SPRR2A: variants seen among roughly 807,000 people sequenced by gnomAD.
SPRR2A encodes small proline rich protein 2A.
SPRR2A carries 3 observed loss-of-function variants against 1.2 expected under a neutral mutation model. The observed-to-expected ratio is 2.56, with a 90% CI of 1.17 to 6.62. SPRR2A has a LOEUF of 6.62. Among genes scored for constraint, SPRR2A ranks in the 30% most tolerant of loss-of-function variants. The pLI, the probability that SPRR2A is intolerant of heterozygous loss-of-function variation, is 0.02. For missense variants in SPRR2A, 66 were observed against 87.8 expected, an observed-to-expected ratio of 0.75 and a Z score of 0.99; for synonymous variants, 31 against 33.1, an observed-to-expected ratio of 0.94 and a Z score of 0.21.
In SPRR2A at chr1:153,056,554, G is replaced by A; in HGVS notation, c.182C>T (p.Pro61Leu). The A allele has an allele frequency of 6.2e-7, 1 of 1,612,340 alleles. No individual in the cohort carries two copies. The highest frequency in any genetic ancestry group is 8.5e-7 in the Non-Finnish European group (1 of 1,179,840). Residue 61 changes from proline (P) to leucine (L), a missense_variant, in exon 2 of 2, where the codon CCA (proline) becomes CTA (leucine). By Grantham distance (98) the Pro-to-Leu change is moderately conservative. Transcript: ENST00000392653. ...CGGTGGATACTTTGACTGGCAGGGT[G>A]GGGAAGGTGTCACAGGAGGATATTT... ...QQKYPPVTPSPPCQSKYPPKS... is the reference protein window; with the variant it reads ...QQKYPPVTPSLPCQSKYPPKS...
chr1:153,056,739 G>T lies in SPRR2A; in HGVS notation c.-4C>A, dbSNP rs1185660006. 18 of 1,603,222 alleles carry T rather than the reference G, an allele frequency of 1.1e-5. No homozygotes were observed. Among genetic ancestry groups the T allele is most frequent in the Non-Finnish European group, 1.5e-5 (18 of 1,176,448 alleles). On this transcript the variant is annotated 5_prime_UTR_variant, in exon 2 of 2. Coordinates refer to ENST00000392653, the MANE Select transcript of SPRR2A (RefSeq NM_005988.3). ...ACTGCTGCTGTTGATAAGACATCCT[G>T]CTGGAGTCTCAGGATCTGAAAGAAA...
chr1:153,056,891 T>C (rs545118747), intron 1 of SPRR2A, 137 bp from the exon 2 acceptor site: 2 of 1,398,730 alleles, frequency 1.4e-6, no homozygotes, highest in Admixed American at 5.0e-5. Flanking sequence ...TTTTCAAGAC[T>C]TTCTGGTTTC....
At chr1:153,056,837 T>C (rs1450454158) in intron 1 of SPRR2A, 83 bp from the exon 2 acceptor site, 1 of 1,570,116 alleles carries the variant, frequency 6.4e-7, no homozygotes, top group Non-Finnish European at 8.6e-7. Flanking sequence ...CCATGGCATA[T>C]TATTTCTCCA....
intron 1 of SPRR2A, 143 bp from the exon 2 acceptor site, chr1:153,056,897 G>A: frequency 3.6e-6 from 5 of 1,380,312 alleles, no homozygotes; most frequent in Non-Finnish European, 3.8e-6. Flanking sequence ...AGACTTTCTG[G>A]TTTCTCCCTT....
intron 1 of SPRR2A, 47 bp downstream of exon 1, chr1:153,057,424 A>G (rs1654376903): frequency 6.5e-6 from 1 of 153,926 alleles, no homozygotes; most frequent in African/African-American, 2.4e-5. Context: ...ATTAAACTCA[A>G]CATTTCAGGG....
chr1:153,056,626 G>A lies in SPRR2A; in HGVS notation c.110C>T (p.Pro37Leu). 6.2e-7 allele frequency: 1 copy of A among 1,611,400 alleles called. No homozygotes were observed. The highest frequency in any genetic ancestry group is 8.5e-7 in the Non-Finnish European group (1 of 1,179,520). Residue 37 changes from proline (P) to leucine (L), a missense_variant, in exon 2 of 2, where the codon CCA (proline) becomes CTA (leucine). Physicochemically the swap from Pro to Leu is moderately conservative, Grantham distance 98. Transcript: ENST00000392653. Reference protein sequence around the residue: ...CPPPKCPEPCPPPKCPQPCPP... With the variant: ...CPPPKCPEPCLPPKCPQPCPP... The stretch of plus-strand genomic sequence containing the variant: ...GCAGGGCTGTGGACACTTTGGTGGT[G>A]GGCAGGGCTCAGGGCACTTCGGGGG...
rs1654356567 is a variant in SPRR2A, at chr1:153,056,628, G to A, written c.108C>T (p.Cys36=). ...AGGGCTGTGGACACTTTGGTGGTGG[G>A]CAGGGCTCAGGGCACTTCGGGGGTG... is the stretch of plus-strand genomic sequence containing the variant. The part of the protein sequence containing the change: ...PCPPPKCPEP[C]PPPKCPQPCP... The change falls in exon 2 of 2, where the codon TGC becomes TGT. Residue 36 remains cysteine (C), a synonymous_variant. Transcript: ENST00000392653. 1 of 1,611,308 alleles carries A rather than the reference G, an allele frequency of 6.2e-7. No homozygotes were observed. Among genetic ancestry groups the A allele is most frequent in the Non-Finnish European group, 8.5e-7 (1 of 1,179,482 alleles).
chr1:153,056,355 C>A lies in SPRR2A; in HGVS notation c.*162G>T, dbSNP rs1654344608. 1 of 1,333,176 alleles carries A rather than the reference C, an allele frequency of 7.5e-7. No individual in the cohort carries two copies. The highest frequency in any genetic ancestry group is 2.8e-5 in the Admixed American group (1 of 35,542). The allele number at this position is 1,333,176 out of a possible 1,614,324, so 82.6% of individuals were successfully genotyped here. Reference sequence around the variant, plus strand: ...CAGTATGGCAGCCTCAGAAAAGAAACTTTTTGCTGTCAGGGATCATCATGG... The same window carrying A: ...CAGTATGGCAGCCTCAGAAAAGAAAATTTTTGCTGTCAGGGATCATCATGG... On this transcript the variant is annotated 3_prime_UTR_variant, in exon 2 of 2. Transcript: ENST00000392653.
At chr1:153,057,172 C>T (rs1446139265) in intron 1 of SPRR2A, among the ~76,000 whole-genome samples, 1 of 152,070 alleles carries the variant, frequency 6.6e-6, no homozygotes, top group Non-Finnish European at 1.5e-5. Flanking sequence ...TTCACACCTG[C>T]TAAGACACAA....
rs146158900 is a variant in SPRR2A, at chr1:153,056,629, C to T, written c.107G>A (p.Cys36Tyr). Residue 36 changes from cysteine to tyrosine, a missense_variant, in exon 2 of 2, where the codon TGC (cysteine) becomes TAC (tyrosine). Cys to Tyr is a radical substitution (Grantham distance 194). Coordinates refer to ENST00000392653, the MANE Select transcript of SPRR2A (RefSeq NM_005988.3). ...GGGCTGTGGACACTTTGGTGGTGGG[C>T]AGGGCTCAGGGCACTTCGGGGGTGG... is the stretch of plus-strand genomic sequence containing the variant. ...PCPPPKCPEP[C>Y]PPPKCPQPCP... is the part of the protein sequence containing the mutation. The T allele has an allele frequency of 2.8e-5, 45 of 1,610,434 alleles. No individual in the cohort carries two copies. In the African/African-American group the frequency reaches 5.5e-4, roughly 20 times the overall value.
chr1:153,056,338 C>G lies in SPRR2A; in HGVS notation c.*179G>C. 2.6e-6 allele frequency: 3 copies of G among 1,157,716 alleles called. No individual in the cohort carries two copies. The highest frequency in any genetic ancestry group is 5.2e-5 in the East Asian group (2 of 38,720). 71.7% of individuals were successfully genotyped at this position (1,157,716 alleles called of 1,614,324 possible). ...CTCCACCTGGACAGTGGCAGTATGGCAGCCTCAGAAAAGAAACTTTTTGCT... is the reference window on the plus strand; with the variant it reads ...CTCCACCTGGACAGTGGCAGTATGGGAGCCTCAGAAAAGAAACTTTTTGCT... On this transcript the variant is annotated 3_prime_UTR_variant, in exon 2 of 2. Coordinates refer to ENST00000392653, the MANE Select transcript of SPRR2A (RefSeq NM_005988.3).
At position 153,056,875 on chromosome 1, in the gene SPRR2A, A is replaced by G; in HGVS notation, c.-19-121T>C. On this transcript the variant is annotated intron_variant, in intron 1 of 1. Coordinates refer to ENST00000392653, the MANE Select transcript of SPRR2A (RefSeq NM_005988.3). ...CTCCAAGAAATTATTTAAATTCTTA[A>G]TTACCTTTTCAAGACTTTCTGGTTT... 4 of 1,451,228 alleles carry G rather than the reference A, an allele frequency of 2.8e-6. No homozygotes were observed. In the East Asian group the frequency reaches 9.9e-5, roughly 36 times the overall value. The allele number at this position is 1,451,228 out of a possible 1,614,324, so 89.9% of individuals were successfully genotyped here. A position where few individuals can be genotyped will look rare whatever the true frequency, so the allele number is the denominator to read the frequency against.
Position 153,056,591 on chromosome 1 carries a change from G to A in SPRR2A, c.145C>T (p.Gln49Ter). The change falls in exon 2 of 2, where the codon CAG becomes TAG. Residue 49 changes from glutamine to a stop codon, truncating the protein, a stop_gained. Transcript: ENST00000392653. LOFTEE classifies it high-confidence loss of function. Reference protein sequence around the residue: ...PKCPQPCPPQQCQQKYPPVTP... With the variant: ...PKCPQPCPPQ ...ACAGGAGGATATTTCTGCTGGCACT[G>A]CTGAGGTGGGCAGGGCTGTGGACAC... 6.2e-7 allele frequency: 1 copy of A among 1,612,172 alleles called. No homozygotes were observed. Among genetic ancestry groups the A allele is most frequent in the Non-Finnish European group, 8.5e-7 (1 of 1,179,834 alleles).
Position 153,056,191 on chromosome 1 carries a change from C to T in SPRR2A, c.*326G>A. 2.3e-6 allele frequency: 1 copy of T among 440,030 alleles called. No individual in the cohort carries two copies. Among genetic ancestry groups the T allele is most frequent in the Non-Finnish European group, 4.0e-6 (1 of 250,680 alleles). 27.3% of individuals were successfully genotyped at this position (440,030 alleles called of 1,614,324 possible). The stretch of plus-strand genomic sequence containing the variant: ...TGCAAAGGTGGTAGAAGCTCGTGAC[C>T]AGGTGACAGACAGACACAGAACACA... On this transcript the variant is annotated 3_prime_UTR_variant, in exon 2 of 2. Coordinates refer to ENST00000392653, the MANE Select transcript of SPRR2A (RefSeq NM_005988.3).
chr1:153,056,284 G>A lies in SPRR2A; in HGVS notation c.*233C>T. ...TCTTTCTTCCGAAGCTCTGGGAGCT[G>A]GCACAGCCCAGGACTTCCTTTGCTC... is the stretch of plus-strand genomic sequence containing the variant. On this transcript the variant is annotated 3_prime_UTR_variant, in exon 2 of 2. Transcript: ENST00000392653. 1.4e-6 allele frequency: 1 copy of A among 695,334 alleles called. No homozygotes were observed. Among genetic ancestry groups the A allele is most frequent in the Non-Finnish European group, 2.3e-6 (1 of 440,400 alleles). 43.1% of individuals were successfully genotyped at this position (695,334 alleles called of 1,614,324 possible).
chr1:153,056,243 G>T lies in SPRR2A; in HGVS notation c.*274C>A, dbSNP rs574221697. 9 of 564,598 alleles carry T rather than the reference G, an allele frequency of 1.6e-5. No individual in the cohort carries two copies. The African/African-American group carries it at 1.7e-4, about 11-fold the overall frequency. The allele number at this position is 564,598 out of a possible 1,614,324, so 35.0% of individuals were successfully genotyped here. A position where few individuals can be genotyped will look rare whatever the true frequency, so the allele number is the denominator to read the frequency against. ...CAACAGAATTCTCTGATGGTTCCCA[G>T]GGAGAGAGCTGCTGCTCTTTCTTCC... On this transcript the variant is annotated 3_prime_UTR_variant, in exon 2 of 2. Coordinates refer to ENST00000392653, the MANE Select transcript of SPRR2A (RefSeq NM_005988.3).
Position 153,056,406 on chromosome 1 carries a change from A to G in SPRR2A, c.*111T>C. On this transcript the variant is annotated 3_prime_UTR_variant, in exon 2 of 2. Coordinates refer to ENST00000392653, the MANE Select transcript of SPRR2A (RefSeq NM_005988.3). ...GCAGATTACTGGCTAAGGAGAAAGAAGCTCCCTGTGTATCCATGGTAGGCT... is the reference window on the plus strand; with the variant it reads ...GCAGATTACTGGCTAAGGAGAAAGAGGCTCCCTGTGTATCCATGGTAGGCT... The G allele has an allele frequency of 6.6e-7, 1 of 1,513,440 alleles. No individual in the cohort carries two copies. The highest frequency in any genetic ancestry group is 2.2e-5 in the Admixed American group (1 of 46,426). The allele number at this position is 1,513,440 out of a possible 1,614,324, so 93.8% of individuals were successfully genotyped here. A position where few individuals can be genotyped will look rare whatever the true frequency, so the allele number is the denominator to read the frequency against.
Position 153,056,244 on chromosome 1 carries a change from GGAGA to G in SPRR2A, c.*269_*272del. On this transcript the variant is annotated 3_prime_UTR_variant, in exon 2 of 2. Coordinates refer to ENST00000392653, the MANE Select transcript of SPRR2A (RefSeq NM_005988.3). ...AACAGAATTCTCTGATGGTTCCCAG[GGAGA>G]GAGCTGCTGCTCTTTCTTCCGAAGC... 1.8e-6 allele frequency: 1 copy of G among 566,450 alleles called. No homozygotes were observed. The highest frequency in any genetic ancestry group is 2.9e-5 in the East Asian group (1 of 34,750). 35.1% of individuals were successfully genotyped at this position (566,450 alleles called of 1,614,324 possible). A position where few individuals can be genotyped will look rare whatever the true frequency, so the allele number is the denominator to read the frequency against.
At position 153,056,747 on chromosome 1, in the gene SPRR2A, C is replaced by T. The variant is rs138616905; in HGVS notation, c.-12G>A. The T allele has an allele frequency of 2.7e-3, 4,299 of 1,592,042 alleles. 101 individuals are homozygous for T. In the African/African-American group the frequency reaches 0.048, roughly 18 times the overall value. On this transcript the variant is annotated 5_prime_UTR_variant, in exon 2 of 2. Coordinates refer to ENST00000392653, the MANE Select transcript of SPRR2A (RefSeq NM_005988.3). ...TGTTGATAAGACATCCTGCTGGAGT[C>T]TCAGGATCTGAAAGAAATGATACAA...
Sources: allele counts gnomAD v4.1 joint callset (sites outside exome capture counted in the v4.1 genomes callset), GRCh38; gene constraint gnomAD v4.1.1; transcripts MANE v1.5; gene names NCBI Gene and HGNC (gene_info 2026-07-23, HGNC 2026-07-21).